Variants in CACNA1C observed in about 807,000 individuals in gnomAD.
CACNA1C encodes the protein calcium voltage-gated channel subunit alpha1 C, also known as voltage-dependent L-type calcium channel subunit alpha-1C.
Under a neutral mutation model 229.0 loss-of-function variants are expected in CACNA1C, and 30 were observed. That is an observed-to-expected ratio of 0.13 (90% confidence interval 0.10 to 0.18). The LOEUF (loss-of-function observed/expected upper bound fraction) is 0.18. CACNA1C is among the 10% of genes least tolerant of loss of function. The pLI is 1.00. For missense variants in CACNA1C, 1,658 were observed against 2,845.0 expected (o/e 0.58, Z 9.49); for synonymous variants, 1,114 against 1,132.5 (o/e 0.98, Z 0.33).
intron 10 of CACNA1C, among the ~76,000 whole-genome samples, chr12:2,556,711 C>T (rs952581114): frequency 1.3e-5 from 2 of 152,180 alleles, no homozygotes; most frequent in African/African-American, 4.8e-5. Context: ...CTGCTACTCT[C>T]CCTCTGCAGC....
chr12:2,377,990 A>G (rs951294134), intron 3 of CACNA1C, among the ~76,000 whole-genome samples: 1 of 152,138 alleles, frequency 6.6e-6, no homozygotes, highest in Non-Finnish European at 1.5e-5. Flanking sequence ...TCTGGCAGTA[A>G]TCTGGTGGTC....
chr12:2,621,760 T>G (rs145384792), intron 29 of CACNA1C, among the ~76,000 whole-genome samples: 9 of 152,174 alleles, frequency 5.9e-5, no homozygotes, highest in Non-Finnish European at 1.2e-4. Context: ...GTTCCTGGCT[T>G]TCCCTGAGTG....
chr12:2,498,216 A>G (rs2099751278), intron 7 of CACNA1C, among the ~76,000 whole-genome samples: 2 of 152,230 alleles, frequency 1.3e-5, no homozygotes, highest in Non-Finnish European at 2.9e-5. Flanking sequence ...GAGTCATTCT[A>G]AGTGAGGAGC....
intron 13 of CACNA1C, among the ~76,000 whole-genome samples, chr12:2,573,745 A>T (rs1272535580): frequency 6.6e-6 from 1 of 152,218 alleles, no homozygotes; most frequent in Non-Finnish European, 1.5e-5. Context: ...TGAAATTCCA[A>T]AGTTTGTGAA....
At chr12:2,037,788 G>C (rs909052103) in intron 1 of CACNA1C, among the ~76,000 whole-genome samples, 4 of 152,184 alleles carry the variant, frequency 2.6e-5, no homozygotes, top group Admixed American at 2.0e-4. Flanking sequence ...GCCTCACCTG[G>C]AAGCTTATAA....
intron 3 of CACNA1C, among the ~76,000 whole-genome samples, chr12:2,252,696 G>GT (rs1209763024): frequency 6.6e-6 from 1 of 152,152 alleles, no homozygotes; most frequent in Non-Finnish European, 1.5e-5. Context: ...AGATGAAGGT[G>GT]TTTGTGCGGG....
rs2096145721 is a variant in CACNA1C, at chr12:2,666,825, GGAAGT to G, written c.4623+50_4623+54del. The G allele has an allele frequency of 1.7e-6, 2 of 1,171,356 alleles. No homozygotes were observed. Among genetic ancestry groups the G allele is most frequent in the Non-Finnish European group, 1.3e-6 (1 of 799,022 alleles). The allele number at this position is 1,171,356 out of a possible 1,614,324, so 72.6% of individuals were successfully genotyped here. A position where few individuals can be genotyped will look rare whatever the true frequency, so the allele number is the denominator to read the frequency against. On this transcript the variant is annotated intron_variant, in intron 37 of 46. Transcript: ENST00000399655. The surrounding 1 kb of genome is among the most constrained non-coding windows in gnomAD (Gnocchi z 5.3). ...TCATGGGAGGGAGAGGGAAAATAGG[GGAAGT>G]GAAGTGCCCATTTCTTGTGATCCTT...
chr12:2,535,704 T>TAAAAAAAAAAAAAAAAAAAAAA (rs758857733), intron 9 of CACNA1C, among the ~76,000 whole-genome samples: 6 of 36,562 alleles, frequency 1.6e-4, no homozygotes, highest in Admixed American at 4.3e-4. Flanking sequence ...AGACCCTGTC[T>TAAAAAAAAAAAAAAAAAAAAAA]AAAAAAAAAA....
In CACNA1C at chr12:2,653,048, C is replaced by A. The variant is rs771287184; in HGVS notation, c.4075-787C>A. ...ACGGCTGAAGCGGCGCCCGGGAACA[C>A]GGGCTGGGCCTCCCATCCTGGGGAC... is the stretch of plus-strand genomic sequence containing the variant. On this transcript the variant is annotated intron_variant, in intron 32 of 46. Transcript: ENST00000399655. The surrounding 1 kb of genome is among the most constrained non-coding windows in gnomAD (Gnocchi z 4.7). Among the ~76,000 whole-genome samples the A allele has an allele frequency of 6.6e-6, 1 of 152,216 alleles. No individual in the cohort carries two copies. The highest frequency in any genetic ancestry group is 2.4e-5 in the African/African-American group (1 of 41,470).
At chr12:2,137,688 T>TA (rs1565922099) in intron 3 of CACNA1C, among the ~76,000 whole-genome samples, 1 of 151,328 alleles carries the variant, frequency 6.6e-6, no homozygotes, top group South Asian at 2.1e-4. Flanking sequence ...CTAAAATACT[T>TA]ACTGTTTTTT....
chr12:2,479,938 G>C lies in CACNA1C; in HGVS notation c.758-6166G>C, dbSNP rs181572194. Among the ~76,000 whole-genome samples the C allele has an allele frequency of 2.0e-5, 3 of 152,290 alleles. No homozygotes were observed. Among genetic ancestry groups the C allele is most frequent in the Admixed American group, 6.5e-5 (1 of 15,300 alleles). On this transcript the variant is annotated intron_variant, in intron 5 of 46. Transcript: ENST00000399655. The surrounding 1 kb of genome is among the most constrained non-coding windows in gnomAD (Gnocchi z 4.3). ...AGAAGTTGTGGTTAAGATTGCCCCA[G>C]TAAAGCCAGCAGAGTAGAGGACCCC...
At chr12:2,373,368 TAAGTA>T (rs2097921563) in intron 3 of CACNA1C, among the ~76,000 whole-genome samples, 1 of 152,030 alleles carries the variant, frequency 6.6e-6, no homozygotes, top group Admixed American at 6.6e-5. Context: ...AGACAGATAA[TAAGTA>T]AAGAAAATGT....
intron 3 of CACNA1C, among the ~76,000 whole-genome samples, chr12:2,291,891 A>C (rs1462898806): frequency 6.6e-6 from 1 of 152,196 alleles, no homozygotes; most frequent in Non-Finnish European, 1.5e-5. Context: ...GAGAGATCCT[A>C]ATTAGGGAGC....
At chr12:2,667,230 C>A (rs1056191738) in intron 37 of CACNA1C, among the ~76,000 whole-genome samples, 6 of 152,084 alleles carry the variant, frequency 3.9e-5, no homozygotes, top group Admixed American at 6.5e-5. Flanking sequence ...GAGACCATGA[C>A]CCAAAAAAAA....
intron 19 of CACNA1C, 75 bp downstream of exon 19, chr12:2,593,420 G>C: frequency 6.6e-7 from 1 of 1,512,076 alleles, no homozygotes; most frequent in Non-Finnish European, 9.1e-7. Context: ...TATTTTACCT[G>C]AACCTCTGGA....
chr12:2,294,057 A>T (rs559787926), intron 3 of CACNA1C, among the ~76,000 whole-genome samples: 1 of 152,382 alleles, frequency 6.6e-6, no homozygotes, highest in Non-Finnish European at 1.5e-5. Context: ...GGAAGACGAG[A>T]CACAACCCTG....
chr12:2,028,120 C>T (rs1464926322), intron 1 of CACNA1C, among the ~76,000 whole-genome samples: 2 of 152,198 alleles, frequency 1.3e-5, no homozygotes, highest in Non-Finnish European at 2.9e-5. Context: ...TAAAGAATGC[C>T]TAAGGATGCA....
At chr12:2,005,342 ACTT>A (rs60169798) in intron 1 of CACNA1C, among the ~76,000 whole-genome samples, 4,937 of 152,316 alleles carry the variant, frequency 0.032, 263 homozygotes, top group African/African-American at 0.11. Context: ...CTAGGAAAAT[ACTT>A]CTGTGCTTGA....
At chr12:2,239,308 C>T (rs764805016) in intron 3 of CACNA1C, among the ~76,000 whole-genome samples, 12 of 151,988 alleles carry the variant, frequency 7.9e-5, no homozygotes, top group African/African-American at 9.7e-5. Context: ...ACCTGAATGA[C>T]GGTGAGGGCT....
Sources: allele counts gnomAD v4.1 joint callset (sites outside exome capture counted in the v4.1 genomes callset), GRCh38; gene constraint gnomAD v4.1.1; non-coding constraint Gnocchi (gnomAD v3.1); transcripts MANE v1.5; gene names NCBI Gene and HGNC (gene_info 2026-07-23, HGNC 2026-07-21).